Variants in SNX6 observed in about 807,000 individuals in gnomAD.
SNX6 encodes sorting nexin 6, also known as sorting nexin-6.
A neutral mutation model predicts 63.0 loss-of-function variants in SNX6; 34 were observed. The ratio of observed to expected loss-of-function variants is 0.54; its 90% confidence interval spans 0.41 to 0.72. The LOEUF (loss-of-function observed/expected upper bound fraction) is 0.72. Among genes scored for constraint, SNX6 ranks in the 30% least tolerant of loss-of-function variants. SNX6 has a pLI of 0.00. For missense variants in SNX6, 398 were observed against 471.4 expected, an observed-to-expected ratio of 0.84 and a Z score of 1.44; for synonymous variants, 170 against 164.2, an observed-to-expected ratio of 1.04 and a Z score of -0.27.
chr14:34,579,578 G>A (rs563836493), intron 10 of SNX6, among the ~76,000 whole-genome samples: 1 of 152,016 alleles, frequency 6.6e-6, no homozygotes, highest in Non-Finnish European at 1.5e-5. Flanking sequence ...CTGCACTCCC[G>A]CCTGGCCGAC....
intron 2 of SNX6, among the ~76,000 whole-genome samples, chr14:34,620,494 A>C (rs906106019): frequency 1.2e-4 from 19 of 152,080 alleles, no homozygotes; most frequent in African/African-American, 4.3e-4. Context: ...ACAAAAACAA[A>C]AACAAAATTC....
intron 5 of SNX6, chr14:34,604,296 C>G (rs1882935575): frequency 3.2e-6 from 4 of 1,241,088 alleles, no homozygotes; most frequent in Admixed American, 3.3e-5. Flanking sequence ...GAATCATGAT[C>G]AGGGCCACTG....
At chr14:34,628,137 C>T (rs1471247156) in intron 2 of SNX6, among the ~76,000 whole-genome samples, 1 of 151,974 alleles carries the variant, frequency 6.6e-6, no homozygotes, top group Non-Finnish European at 1.5e-5. Flanking sequence ...TGACACTGGC[C>T]TGGGCAACAT....
intron 2 of SNX6, among the ~76,000 whole-genome samples, chr14:34,613,216 G>C (rs1883298470): frequency 6.6e-6 from 1 of 152,218 alleles, no homozygotes; most frequent in Admixed American, 6.5e-5. Flanking sequence ...AGAGCCTCCG[G>C]AGGGAGAGCT....
At chr14:34,591,448 C>T (rs900408643) in intron 8 of SNX6, among the ~76,000 whole-genome samples, 2 of 151,996 alleles carry the variant, frequency 1.3e-5, no homozygotes, top group Non-Finnish European at 2.9e-5. Context: ...TCTATCTAGC[C>T]GGGCACGGTG....
intron 4 of SNX6, among the ~76,000 whole-genome samples, chr14:34,607,382 G>GA (rs915975034): frequency 3.5e-4 from 53 of 151,894 alleles, no homozygotes; most frequent in African/African-American, 1.2e-3. Flanking sequence ...GAGGCAGGGG[G>GA]AATCACCTGA....
chr14:34,620,970 C>T (rs752285661), intron 2 of SNX6, among the ~76,000 whole-genome samples: 20 of 152,084 alleles, frequency 1.3e-4, no homozygotes, highest in African/African-American at 3.6e-4. Context: ...AAAATGGTGA[C>T]GGGCGTCTCA....
intron 8 of SNX6, among the ~76,000 whole-genome samples, chr14:34,592,257 G>A (rs1882424083): frequency 6.6e-6 from 1 of 152,042 alleles, no homozygotes; most frequent in Admixed American, 6.6e-5. Context: ...GCGGTGGCAG[G>A]TGCCTGTAAT....
In SNX6 at chr14:34,562,454, G is replaced by T. The variant is rs1880970289; in HGVS notation, c.*668C>A. ...TTACAGCTACTCCACATTTTCCAGA[G>T]TGATACAATGACCATAGAGTTAAAA... On this transcript the variant is annotated 3_prime_UTR_variant, in exon 14 of 14. Coordinates refer to ENST00000362031, the MANE Select transcript of SNX6 (RefSeq NM_152233.4). 6.6e-6 allele frequency: 1 copy of T among 152,638 alleles called. No homozygotes were observed. 9.5% of individuals were successfully genotyped at this position (152,638 alleles called of 1,614,324 possible).
intron 2 of SNX6, among the ~76,000 whole-genome samples, chr14:34,614,678 G>C (rs1302969512): frequency 6.6e-6 from 1 of 152,148 alleles, no homozygotes; most frequent in East Asian, 1.9e-4. Context: ...TGCACCTTGG[G>C]AGGCCAAGGC....
At chr14:34,598,745 A>G (rs747148308) in intron 6 of SNX6, among the ~76,000 whole-genome samples, 22 of 152,164 alleles carry the variant, frequency 1.4e-4, no homozygotes, top group Non-Finnish European at 2.9e-4. Flanking sequence ...TGAGCCAGGC[A>G]CAGTGGCTCC....
intron 2 of SNX6, among the ~76,000 whole-genome samples, chr14:34,619,063 A>G (rs1048539275): frequency 1.3e-5 from 2 of 152,220 alleles, no homozygotes; most frequent in Admixed American, 6.6e-5. Flanking sequence ...GGTGGTAACC[A>G]CAACTGGGCT....
At chr14:34,591,082 A>G (rs948199669) in intron 8 of SNX6, among the ~76,000 whole-genome samples, 1 of 152,118 alleles carries the variant, frequency 6.6e-6, no homozygotes, top group African/African-American at 2.4e-5. Context: ...GGAGGGAGAG[A>G]TTTCAAAGGG....
At chr14:34,592,845 G>C (rs555730046) in intron 8 of SNX6, among the ~76,000 whole-genome samples, 200 bp downstream of exon 8, 2 of 152,170 alleles carry the variant, frequency 1.3e-5, no homozygotes, top group Non-Finnish European at 2.9e-5. Flanking sequence ...CAAAAGTGTC[G>C]TGATCACAGG....
intron 11 of SNX6, among the ~76,000 whole-genome samples, chr14:34,574,032 T>C (rs971565506): frequency 2.0e-5 from 3 of 151,946 alleles, no homozygotes; most frequent in Admixed American, 6.6e-5. Flanking sequence ...AGGACTTGCA[T>C]AGACCAAATA....
At chr14:34,602,468 G>A (rs1882853303) in intron 6 of SNX6, among the ~76,000 whole-genome samples, 1 of 150,998 alleles carries the variant, frequency 6.6e-6, no homozygotes, top group South Asian at 2.1e-4. Flanking sequence ...GCATGCGCCT[G>A]TAGTCCCAGC....
rs1881079692 is a variant in SNX6 at position 34,564,488 on chromosome 14, T to C, written c.1168-1313A>G. ...AGTACTACTGTTAATAGAACAGTTA[T>C]CAGAAATCTAAATACAGAGAACTCA... On this transcript the variant is annotated intron_variant, in intron 13 of 13. Transcript: ENST00000362031. Among the ~76,000 whole-genome samples, 3 of 152,208 alleles carry C rather than the reference T, an allele frequency of 2.0e-5. No homozygotes were observed. In the South Asian group the frequency reaches 6.2e-4, roughly 32 times the overall value.
At chr14:34,564,926 G>T (rs555689862) in intron 13 of SNX6, among the ~76,000 whole-genome samples, 1 of 151,286 alleles carries the variant, frequency 6.6e-6, no homozygotes, top group Non-Finnish European at 1.5e-5. Context: ...TAAATAATAA[G>T]TATTTTAGGC....
At chr14:34,578,629 A>G (rs1881804193) in intron 10 of SNX6, among the ~76,000 whole-genome samples, 1 of 12,086 alleles carries the variant, frequency 8.3e-5, no homozygotes, top group East Asian at 5.1e-3. Flanking sequence ...GATCTGTCTC[A>G]AAAAGAAAAA....
Sources: gnomAD v4.1 joint callset for allele counts (sites outside exome capture counted in the v4.1 genomes callset) on GRCh38, gnomAD v4.1.1 for gene constraint, MANE v1.5 for transcripts, NCBI Gene and HGNC (gene_info 2026-07-23, HGNC 2026-07-21) for gene names.